The following RARB variants were observed in gnomAD, a reference collection of about 807,000 sequenced individuals.
The protein encoded by RARB is HBV-activated protein.
A neutral mutation model predicts 51.9 loss-of-function variants in RARB; 17 were observed. That is an observed-to-expected ratio of 0.33 (90% CI 0.22 to 0.49). The LOEUF (loss-of-function observed/expected upper bound fraction) is 0.49. Ranked by LOEUF, RARB falls within the 20% of genes least tolerant of loss-of-function variation. RARB has a pLI of 0.99. For missense variants in RARB, 369 were observed against 550.8 expected (o/e 0.67, Z 3.30); for synonymous variants, 215 against 195.4 (o/e 1.10, Z -0.84).
intron 3 of RARB, among the ~76,000 whole-genome samples, chr3:25,063,708 C>CTTT (rs749930990): frequency 1.4e-5 from 2 of 138,396 alleles, no homozygotes; most frequent in East Asian, 4.2e-4. Flanking sequence ...TAGTTTGAGA[C>CTTT]TTTTTTTTTT....
chr3:25,569,669 A>T, intron 3 of RARB, 89 bp from the exon 4 acceptor site: 1 of 1,414,170 alleles, frequency 7.1e-7, no homozygotes, highest in Non-Finnish European at 9.6e-7. Flanking sequence ...AAATGAGCTT[A>T]AGGCAGCCTT....
rs546159296 is a variant in RARB, at chr3:25,241,431, A to G, written c.178+66856A>G. 4.6e-5 allele frequency among the ~76,000 whole-genome samples: 7 copies of G among 152,220 alleles called. No individual in the cohort carries two copies. In the East Asian group the frequency reaches 1.2e-3, roughly 25 times the overall value. ...CTGCACCCATCACCCCATCATCCAC[A>G]TTAGCTATTTCTCCTAATGCTATGC... is the stretch of plus-strand genomic sequence containing the variant. On this transcript the variant is annotated intron_variant, in intron 5 of 11. Transcript: ENST00000383772.
intron 5 of RARB, among the ~76,000 whole-genome samples, chr3:25,351,080 T>G (rs996842152): frequency 3.3e-5 from 5 of 152,198 alleles, no homozygotes; most frequent in Non-Finnish European, 5.9e-5. Context: ...AAGCATCTGG[T>G]GCAGCGCTAT....
At chr3:24,908,494 C>T (rs1694915733) in intron 2 of RARB, among the ~76,000 whole-genome samples, 1 of 152,036 alleles carries the variant, frequency 6.6e-6, no homozygotes, top group South Asian at 2.1e-4. Flanking sequence ...AAGACTAATA[C>T]TTGCATGCAG....
intron 2 of RARB, among the ~76,000 whole-genome samples, chr3:24,934,507 G>C (rs1355052193): frequency 6.6e-6 from 1 of 152,008 alleles, no homozygotes. Flanking sequence ...ATTTGGTCTT[G>C]TTCTATAAAT....
intron 2 of RARB, among the ~76,000 whole-genome samples, chr3:24,975,606 C>G (rs531028931): frequency 6.6e-6 from 1 of 152,158 alleles, no homozygotes; most frequent in Non-Finnish European, 1.5e-5. Context: ...AAAGACTTAA[C>G]TAGTTGGTTC....
chr3:25,205,386 G>A (rs1256657527), intron 5 of RARB, among the ~76,000 whole-genome samples: 1 of 152,138 alleles, frequency 6.6e-6, no homozygotes, highest in Non-Finnish European at 1.5e-5. Context: ...GTGAGGCAAT[G>A]CCTCACCCTG....
At chr3:25,266,633 C>T (rs1431412789) in intron 5 of RARB, among the ~76,000 whole-genome samples, 1 of 152,100 alleles carries the variant, frequency 6.6e-6, no homozygotes, top group African/African-American at 2.4e-5. Flanking sequence ...CTGCAAAATT[C>T]CTGTGTTGAA....
intron 5 of RARB, among the ~76,000 whole-genome samples, chr3:25,412,678 T>G (rs1229879471): frequency 6.6e-6 from 1 of 152,178 alleles, no homozygotes; most frequent in Non-Finnish European, 1.5e-5. Flanking sequence ...CAGCTTAGTT[T>G]TTACAACTGA....
At chr3:25,465,723 C>A (rs1325939852) in intron 2 of RARB, among the ~76,000 whole-genome samples, 1 of 151,984 alleles carries the variant, frequency 6.6e-6, no homozygotes, top group Non-Finnish European at 1.5e-5. Context: ...TAGGGGGTTT[C>A]CAGGTGAGCG....
At chr3:24,861,615 A>C (rs905731417) in intron 2 of RARB, among the ~76,000 whole-genome samples, 2 of 132,814 alleles carry the variant, frequency 1.5e-5, no homozygotes, top group South Asian at 2.4e-4. Flanking sequence ...AAAAAAAAAA[A>C]CCTTTCCTGA....
chr3:25,376,233 C>T (rs1314591167), intron 5 of RARB, among the ~76,000 whole-genome samples: 1 of 152,142 alleles, frequency 6.6e-6, no homozygotes, highest in Non-Finnish European at 1.5e-5. Flanking sequence ...CCTTACCCAC[C>T]ATGCTCTTAC....
intron 2 of RARB, among the ~76,000 whole-genome samples, chr3:24,884,934 T>TC (rs1703240117): frequency 6.6e-6 from 1 of 152,094 alleles, no homozygotes; most frequent in Admixed American, 6.6e-5. Flanking sequence ...ATACTTCTTT[T>TC]CCCCACACTC....
At chr3:24,859,411 A>C (rs1365618834) in intron 2 of RARB, among the ~76,000 whole-genome samples, 1 of 152,212 alleles carries the variant, frequency 6.6e-6, no homozygotes, top group Non-Finnish European at 1.5e-5. Context: ...TGTAGGTGTA[A>C]CAAATAGTTA....
chr3:24,981,551 A>G (rs111900689), intron 2 of RARB, among the ~76,000 whole-genome samples: 2,476 of 152,214 alleles, frequency 0.016, 32 homozygotes, highest in Non-Finnish European at 0.025. Flanking sequence ...CTGCTGCGTT[A>G]GCAGAGAGCA....
At chr3:25,242,331 T>G (rs191866813) in intron 5 of RARB, among the ~76,000 whole-genome samples, 1 of 152,368 alleles carries the variant, frequency 6.6e-6, no homozygotes. Flanking sequence ...TTGGAAATTT[T>G]GGCTTTTGTT....
chr3:25,324,404 C>T, intron 5 of RARB: 1 of 158,572 alleles, frequency 6.3e-6, no homozygotes, highest in Non-Finnish European at 1.4e-5. Flanking sequence ...CAAAGACTGC[C>T]ATAACGCCCT....
At chr3:25,152,078 T>C (rs1437379322) in intron 4 of RARB, among the ~76,000 whole-genome samples, 9 of 152,220 alleles carry the variant, frequency 5.9e-5, no homozygotes. Flanking sequence ...ATTTGACTGA[T>C]TTACACTTGA....
At chr3:25,022,350 G>C (rs763717191) in intron 2 of RARB, among the ~76,000 whole-genome samples, 3 of 152,050 alleles carry the variant, frequency 2.0e-5, no homozygotes, top group Non-Finnish European at 4.4e-5. Context: ...TTTTTTGTGT[G>C]TTGACTTTCT....
Sources: gnomAD v4.1 joint callset for allele counts (sites outside exome capture counted in the v4.1 genomes callset) on GRCh38, gnomAD v4.1.1 for gene constraint, MANE v1.5 for transcripts, NCBI Gene and HGNC (gene_info 2026-07-23, HGNC 2026-07-21) for gene names.